The following SYT17 variants were observed in gnomAD, a reference collection of about 807,000 sequenced individuals.
SYT17 encodes synaptotagmin-17.
Under a neutral mutation model 46.7 loss-of-function variants are expected in SYT17, and 22 were observed. The observed-to-expected ratio is 0.47, with a 90% CI of 0.34 to 0.67. The LOEUF is 0.67. Ranked by LOEUF, SYT17 falls within the 30% of genes least tolerant of loss-of-function variation. The pLI, the probability that SYT17 is intolerant of heterozygous loss-of-function variation, is 0.01. For missense variants in SYT17, 519 were observed against 612.8 expected, an observed-to-expected ratio of 0.85 and a Z score of 1.62; for synonymous variants, 251 against 248.4, an observed-to-expected ratio of 1.01 and a Z score of -0.10.
chr16:19,254,784 G>A lies in SYT17; in HGVS notation c.1229-12096G>A, dbSNP rs143855157. Among the ~76,000 whole-genome samples, 126 of 152,308 alleles carry A rather than the reference G, an allele frequency of 8.3e-4. 1 individual carries two copies. Among genetic ancestry groups the A allele is most frequent in the African/African-American group, 2.2e-3 (91 of 41,572 alleles). ...TGGTTGTTCATGTCAAAACAAGCACGTTGCTTTATAGTGACACCTTTAAGT... is the reference window on the plus strand; with the variant it reads ...TGGTTGTTCATGTCAAAACAAGCACATTGCTTTATAGTGACACCTTTAAGT... On this transcript the variant is annotated intron_variant, in intron 7 of 7. Transcript: ENST00000355377.
At chr16:19,236,994 C>T (rs912805513) in intron 7 of SYT17, among the ~76,000 whole-genome samples, 2 of 152,170 alleles carry the variant, frequency 1.3e-5, no homozygotes, top group Admixed American at 6.5e-5. Context: ...GAGTCAAAGC[C>T]CCTAGGCAAA....
In SYT17 at chr16:19,217,661, G is replaced by C. The variant is rs577797245; in HGVS notation, c.952-5384G>C. On this transcript the variant is annotated intron_variant, in intron 5 of 7. Transcript: ENST00000355377. ...GTGAATAGTGCTGCTATGAACATCT[G>C]CGTACAAGTTTTCATGTGGACATGT... Among the ~76,000 whole-genome samples the C allele has an allele frequency of 4.6e-5, 7 of 152,254 alleles. No individual in the cohort carries two copies. In the South Asian group the frequency reaches 1.5e-3, roughly 32 times the overall value.
At chr16:19,244,972 A>G (rs1458339980) in intron 7 of SYT17, among the ~76,000 whole-genome samples, 2 of 152,226 alleles carry the variant, frequency 1.3e-5, no homozygotes, top group African/African-American at 2.4e-5. Flanking sequence ...CCACACAGCC[A>G]TCTCTGCTCA....
At chr16:19,226,293 G>A (rs1439652754) in intron 7 of SYT17, among the ~76,000 whole-genome samples, 1 of 152,078 alleles carries the variant, frequency 6.6e-6, no homozygotes, top group Non-Finnish European at 1.5e-5. Flanking sequence ...ACTGGGGATC[G>A]ACATCATCCT....
chr16:19,190,158 C>T (rs1964954609), intron 5 of SYT17, among the ~76,000 whole-genome samples: 1 of 152,108 alleles, frequency 6.6e-6, no homozygotes, highest in Admixed American at 6.6e-5. Context: ...TGTGTAGGCT[C>T]AACTCTTTTA....
intron 5 of SYT17, among the ~76,000 whole-genome samples, chr16:19,210,093 TTAG>T (rs1453264783): frequency 6.6e-6 from 1 of 151,398 alleles, no homozygotes. Context: ...TTTATTTTTA[TTAG>T]TACAAATTTA....
At position 19,185,320 on chromosome 16, in the gene SYT17, C is replaced by T. The variant is rs142003401; in HGVS notation, c.951+1173C>T. Among the ~76,000 whole-genome samples, 765 of 152,352 alleles carry T rather than the reference C, an allele frequency of 5.0e-3. 7 individuals carry two copies. Among genetic ancestry groups the T allele is most frequent in the African/African-American group, 0.018 (734 of 41,582 alleles). On this transcript the variant is annotated intron_variant, in intron 5 of 7. Transcript: ENST00000355377. The stretch of plus-strand genomic sequence containing the variant: ...CTGCCTTCCAGGCCAGGCGCAGTGG[C>T]TTACGCCTGTAATCCCAGCACTTTG...
At chr16:19,195,158 C>T (rs939747068) in intron 5 of SYT17, among the ~76,000 whole-genome samples, 35 of 152,140 alleles carry the variant, frequency 2.3e-4, no homozygotes, top group African/African-American at 5.1e-4. Context: ...TCACATAGCA[C>T]TCACTGTGCA....
chr16:19,212,755 A>G (rs1328439631), intron 5 of SYT17, among the ~76,000 whole-genome samples: 1 of 152,246 alleles, frequency 6.6e-6, no homozygotes, highest in Non-Finnish European at 1.5e-5. Context: ...AATTTGGATA[A>G]GGAAGACTTC....
intron 4 of SYT17, among the ~76,000 whole-genome samples, chr16:19,182,141 G>A (rs951528365): frequency 2.6e-5 from 4 of 152,024 alleles, no homozygotes; most frequent in Non-Finnish European, 4.4e-5. Context: ...CAGGCTGGGC[G>A]CGGTGGCTCA....
At chr16:19,238,342 C>T (rs1377213907) in intron 7 of SYT17, among the ~76,000 whole-genome samples, 1 of 152,192 alleles carries the variant, frequency 6.6e-6, no homozygotes, top group Non-Finnish European at 1.5e-5. Context: ...AGCAAGGGCT[C>T]AGTTGATTGT....
At position 19,223,128 on chromosome 16, in the gene SYT17, C is replaced by G; in HGVS notation, c.1035C>G (p.Ala345=). 1 of 1,613,942 alleles carries G rather than the reference C, an allele frequency of 6.2e-7. No homozygotes were observed. Among genetic ancestry groups the G allele is most frequent in the Non-Finnish European group, 8.5e-7 (1 of 1,179,894 alleles). ...GACTGAATGTTGATGTCATTCGAGC[C>G]AAGCAACTTCTTCAGACAGATGTGA... ...AGRLNVDVIR[A]KQLLQTDVSQ... The change falls in exon 6 of 8, where the codon GCC becomes GCG. Residue 345 remains alanine (A), a synonymous_variant. Transcript: ENST00000355377.
At chr16:19,188,513 C>CAAAAAAAA (rs61202540) in intron 5 of SYT17, among the ~76,000 whole-genome samples, 790 of 64,070 alleles carry the variant, frequency 0.012, no homozygotes, top group East Asian at 0.014. Context: ...TTCAGTTCTG[C>CAAAAAAAA]AAAAAAAAAA....
intron 7 of SYT17, among the ~76,000 whole-genome samples, chr16:19,227,384 C>T (rs544051798): frequency 6.0e-5 from 9 of 149,674 alleles, no homozygotes; most frequent in South Asian, 4.2e-4. Flanking sequence ...GGCATGATCT[C>T]GGCTCACTGC....
At chr16:19,237,106 C>T (rs756862803) in intron 7 of SYT17, among the ~76,000 whole-genome samples, 3 of 152,210 alleles carry the variant, frequency 2.0e-5, no homozygotes, top group Non-Finnish European at 4.4e-5. Context: ...ATTACTTTTT[C>T]ACTGTTTAGG....
At chr16:19,261,315 CT>C (rs1448908967) in intron 7 of SYT17, among the ~76,000 whole-genome samples, 1 of 152,198 alleles carries the variant, frequency 6.6e-6, no homozygotes, top group African/African-American at 2.4e-5. Context: ...ATTGCCATAA[CT>C]TTACCAAGTG....
Position 19,183,547 on chromosome 16 carries a change from C to T in SYT17, c.351C>T (p.Pro117=). ...TCTCAGGTCTTGAGTCAAGACGTCC[C>T]AGCTCTCCACTCATCGATATTAAAC... The part of the protein sequence containing the change: ...RRISSLESRR[P]SSPLIDIKPI... Residue 117 remains proline (P), a synonymous_variant, in exon 5 of 8, where the codon CCC becomes CCT. Coordinates refer to ENST00000355377, the MANE Select transcript of SYT17 (RefSeq NM_016524.4). This position sits in a 1 kb window ranked among gnomAD's most constrained non-coding sequence, Gnocchi z 5.6. The T allele has an allele frequency of 6.2e-7, 1 of 1,614,146 alleles. No homozygotes were observed. Among genetic ancestry groups the T allele is most frequent in the Non-Finnish European group, 8.5e-7 (1 of 1,180,010 alleles).
Position 19,173,552 on chromosome 16 carries a change from T to C in SYT17, c.156T>C (p.Pro52=). ...AGGATGAAGTTGAAATTCTGGGACCTTTCCCTGCTCAGACCCCTCCCTGGC... is the reference window on the plus strand; with the variant it reads ...AGGATGAAGTTGAAATTCTGGGACCCTTCCCTGCTCAGACCCCTCCCTGGC... ...SSEDEVEILG[P]FPAQTPPWLM... Residue 52 remains proline (P), a synonymous_variant, in exon 3 of 8, where the codon CCT becomes CCC. Coordinates refer to ENST00000355377, the MANE Select transcript of SYT17 (RefSeq NM_016524.4). 1 of 1,614,086 alleles carries C rather than the reference T, an allele frequency of 6.2e-7. No individual in the cohort carries two copies. Among genetic ancestry groups the C allele is most frequent in the Non-Finnish European group, 8.5e-7 (1 of 1,180,008 alleles).
At chr16:19,172,848 T>C in intron 2 of SYT17, 71 bp downstream of exon 2, 7 of 1,561,728 alleles carry the variant, frequency 4.5e-6, no homozygotes, top group South Asian at 2.2e-5. Flanking sequence ...TTTGGAGTCT[T>C]ATGTGGGGCT....
Sources: allele counts gnomAD v4.1 joint callset (sites outside exome capture counted in the v4.1 genomes callset), GRCh38; gene constraint gnomAD v4.1.1; non-coding constraint Gnocchi (gnomAD v3.1); transcripts MANE v1.5; gene names NCBI Gene and HGNC (gene_info 2026-07-23, HGNC 2026-07-21).